The following PPTC7 variants were observed in gnomAD, a reference collection of about 807,000 sequenced individuals.
PPTC7 encodes the protein protein phosphatase targeting COQ7, also known as protein phosphatase PTC7 homolog.
A neutral mutation model predicts 30.8 loss-of-function variants in PPTC7; 6 were observed. The observed-to-expected ratio is 0.19, with a 90% CI of 0.11 to 0.38. The LOEUF (loss-of-function observed/expected upper bound fraction) is 0.38, where lower values mean the gene tolerates loss of function less well. Among genes scored for constraint, PPTC7 ranks in the 10% least tolerant of loss-of-function variants. The pLI, the probability that PPTC7 is intolerant of heterozygous loss-of-function variation, is 1.00. For synonymous variants in PPTC7, 163 were observed against 168.1 expected (o/e 0.97, Z 0.23); for missense variants, 218 against 404.8 (o/e 0.54, Z 3.96).
intron 4 of PPTC7, 32 bp from the exon 5 acceptor site, chr12:110,538,305 A>G (rs756706707): frequency 1.2e-6 from 2 of 1,602,588 alleles, no homozygotes; most frequent in Admixed American, 3.3e-5. Flanking sequence ...TTATTTTACC[A>G]TAATGCTCAA....
At chr12:110,562,213 A>T (rs1414052538) in intron 1 of PPTC7, among the ~76,000 whole-genome samples, 1 of 130,458 alleles carries the variant, frequency 7.7e-6, no homozygotes, top group Non-Finnish European at 1.6e-5. Flanking sequence ...TGAACCCAGG[A>T]GGCGGAGGTT....
At chr12:110,538,798 G>GTTTCAGTATAA (rs1220647104) in intron 4 of PPTC7, among the ~76,000 whole-genome samples, 1 of 152,158 alleles carries the variant, frequency 6.6e-6, no homozygotes, top group Non-Finnish European at 1.5e-5. Context: ...TTCAGCTCTA[G>GTTTCAGTATAA]TTTCAGTATA....
At position 110,533,257 on chromosome 12, in the gene PPTC7, C is replaced by G. The variant is rs1046487038; in HGVS notation, c.*3780G>C. On this transcript the variant is annotated 3_prime_UTR_variant, in exon 6 of 6. Coordinates refer to ENST00000354300, the MANE Select transcript of PPTC7 (RefSeq NM_139283.2). ...AGAAGCACACAGATTAGTATAAATA[C>G]TATATTTATTAAATATCTTTACAGT... 6.6e-6 allele frequency: 1 copy of G among 152,100 alleles called. No individual in the cohort carries two copies. The highest frequency in any genetic ancestry group is 1.5e-5 in the Non-Finnish European group (1 of 68,022). 9.4% of individuals were successfully genotyped at this position (152,100 alleles called of 1,614,324 possible).
intron 1 of PPTC7, among the ~76,000 whole-genome samples, chr12:110,572,882 T>C (rs1593165780): frequency 6.6e-6 from 1 of 152,250 alleles, no homozygotes. Context: ...TATTTATTTA[T>C]TTATTTATTT....
intron 1 of PPTC7, among the ~76,000 whole-genome samples, chr12:110,559,757 G>A (rs1278615522): frequency 6.6e-6 from 1 of 151,610 alleles, no homozygotes; most frequent in Non-Finnish European, 1.5e-5. Context: ...AAAAGAAATG[G>A]GGTCTCACTC....
chr12:110,565,411 A>G (rs981486602), intron 1 of PPTC7, among the ~76,000 whole-genome samples: 2 of 151,178 alleles, frequency 1.3e-5, no homozygotes, highest in Non-Finnish European at 2.9e-5. Flanking sequence ...GCCCACCACC[A>G]TGCTGGGATA....
chr12:110,545,623 T>A (rs191417167), intron 3 of PPTC7, among the ~76,000 whole-genome samples: 1 of 152,198 alleles, frequency 6.6e-6, no homozygotes, highest in African/African-American at 2.4e-5. Context: ...ATATGAAAAA[T>A]TGATATTCTG....
At position 110,583,264 on chromosome 12, in the gene PPTC7, T is replaced by A; in HGVS notation, c.-233A>T. ...GGCGGCTCCTCCGCCTCAGCCCAAC[T>A]GAAGTCCCGGCTGCAGCGGCCGCCG... On this transcript the variant is annotated 5_prime_UTR_variant, in exon 1 of 6. Coordinates refer to ENST00000354300, the MANE Select transcript of PPTC7 (RefSeq NM_139283.2). 5 of 156,482 alleles carry A rather than the reference T, an allele frequency of 3.2e-5. No homozygotes were observed. Among genetic ancestry groups the A allele is most frequent in the Non-Finnish European group, 5.4e-5 (4 of 73,866 alleles). The allele number at this position is 156,482 out of a possible 1,614,324, so 9.7% of individuals were successfully genotyped here.
Position 110,536,709 on chromosome 12 carries a change from A to T in PPTC7, c.*328T>A. ...ATTTTGAATTCACTTTACCAACATT[A>T]CTCATTTTCAATACTTCAACTACTT... On this transcript the variant is annotated 3_prime_UTR_variant, in exon 6 of 6. Coordinates refer to ENST00000354300, the MANE Select transcript of PPTC7 (RefSeq NM_139283.2). The T allele has an allele frequency of 2.8e-5, 8 of 281,206 alleles. No individual in the cohort carries two copies. The allele number at this position is 281,206 out of a possible 1,614,324, so 17.4% of individuals were successfully genotyped here.
At chr12:110,553,170 T>C (rs1593151957) in intron 1 of PPTC7, among the ~76,000 whole-genome samples, 1 of 144,180 alleles carries the variant, frequency 6.9e-6, no homozygotes, top group Middle Eastern at 3.5e-3. Flanking sequence ...GCAACAAGAG[T>C]GAAACTCCAT....
At chr12:110,562,109 C>G (rs974504666) in intron 1 of PPTC7, among the ~76,000 whole-genome samples, 1 of 151,852 alleles carries the variant, frequency 6.6e-6, no homozygotes, top group African/African-American at 2.4e-5. Context: ...GAGCAAGACA[C>G]TGTCTCTATT....
intron 3 of PPTC7, among the ~76,000 whole-genome samples, chr12:110,541,976 T>A (rs555207252): frequency 6.6e-6 from 1 of 151,784 alleles, no homozygotes; most frequent in South Asian, 2.1e-4. Flanking sequence ...TGAAACCCCA[T>A]CTCTGCTAAA....
intron 1 of PPTC7, among the ~76,000 whole-genome samples, chr12:110,578,292 T>C (rs2064605782): frequency 6.6e-6 from 1 of 152,194 alleles, no homozygotes; most frequent in Non-Finnish European, 1.5e-5. Context: ...TAGGAAGCCA[T>C]GCCACGTAGA....
chr12:110,568,489 T>C (rs555839593), intron 1 of PPTC7, among the ~76,000 whole-genome samples: 232 of 152,266 alleles, frequency 1.5e-3, no homozygotes, highest in South Asian at 2.5e-3. Context: ...CCTGACCTCG[T>C]GATCCGCCCA....
At chr12:110,558,167 G>C (rs2064404754) in intron 1 of PPTC7, among the ~76,000 whole-genome samples, 3 of 152,168 alleles carry the variant, frequency 2.0e-5, no homozygotes, top group African/African-American at 4.8e-5. Context: ...ATTCTGTCTT[G>C]GGTATGTCAA....
At chr12:110,552,111 G>A (rs900952460) in intron 1 of PPTC7, 143 bp from the exon 2 acceptor site, 8 of 657,720 alleles carry the variant, frequency 1.2e-5, no homozygotes, top group Admixed American at 3.0e-5. Context: ...AAGCACTCAC[G>A]TTTAATGTAT....
At chr12:110,541,154 G>C (rs1379350672) in intron 3 of PPTC7, among the ~76,000 whole-genome samples, 1 of 151,534 alleles carries the variant, frequency 6.6e-6, no homozygotes, top group African/African-American at 2.4e-5. Flanking sequence ...GGCCAAGGTG[G>C]GTGGATCACC....
intron 1 of PPTC7, among the ~76,000 whole-genome samples, chr12:110,565,344 C>T (rs1179756070): frequency 1.3e-5 from 2 of 152,056 alleles, no homozygotes; most frequent in African/African-American, 2.4e-5. Context: ...GCAACCTCCG[C>T]CTCCCAGGTT....
chr12:110,552,066 C>T, intron 1 of PPTC7, 98 bp from the exon 2 acceptor site: 1 of 904,246 alleles, frequency 1.1e-6, no homozygotes, highest in Non-Finnish European at 1.7e-6. Flanking sequence ...TCACTACATG[C>T]TACTACATAC....
Sources: gnomAD v4.1 joint callset for allele counts (sites outside exome capture counted in the v4.1 genomes callset) on GRCh38, gnomAD v4.1.1 for gene constraint, MANE v1.5 for transcripts, NCBI Gene and HGNC (gene_info 2026-07-23, HGNC 2026-07-21) for gene names.